SCN2B: variants seen among roughly 807,000 people sequenced by gnomAD.
SCN2B encodes sodium voltage-gated channel beta subunit 2.
A neutral mutation model predicts 18.2 loss-of-function variants in SCN2B; 14 were observed. The ratio of observed to expected loss-of-function variants is 0.77; its 90% CI spans 0.51 to 1.21. The LOEUF (loss-of-function observed/expected upper bound fraction) is 1.21. Among genes scored for constraint, SCN2B ranks in the 50% most tolerant of loss-of-function variants. SCN2B has a pLI of 0.00. For synonymous variants in SCN2B, 115 were observed against 115.3 expected, an observed-to-expected ratio of 1.00 and a Z score of 0.02; for missense variants, 262 against 286.9, an observed-to-expected ratio of 0.91 and a Z score of 0.63.
At chr11:118,174,695 A>G (rs1948455985) in intron 1 of SCN2B, among the ~76,000 whole-genome samples, 2 of 152,100 alleles carry the variant, frequency 1.3e-5, no homozygotes, top group South Asian at 4.1e-4. Context: ...CCAAACACTC[A>G]GACCTCTTCA....
Position 118,166,671 on chromosome 11 carries a change from C to T in SCN2B, c.*216G>A. The T allele has an allele frequency of 1.6e-6, 1 of 612,720 alleles. No homozygotes were observed. The highest frequency in any genetic ancestry group is 2.8e-5 in the East Asian group (1 of 35,646). The allele number at this position is 612,720 out of a possible 1,614,324, so 38.0% of individuals were successfully genotyped here. ...GCCCTTTCTCTCCTCTCCCCAGGGCCCACACGTCCCAGAGCATGGCAGGTT... is the reference window on the plus strand; with the variant it reads ...GCCCTTTCTCTCCTCTCCCCAGGGCTCACACGTCCCAGAGCATGGCAGGTT... On this transcript the variant is annotated 3_prime_UTR_variant, in exon 4 of 4. Transcript: ENST00000278947.
chr11:118,166,828 C>G lies in SCN2B; in HGVS notation c.*59G>C, dbSNP rs1377180592. The G allele has an allele frequency of 5.6e-6, 9 of 1,603,062 alleles. No individual in the cohort carries two copies. In the Admixed American group the frequency reaches 1.5e-4, roughly 27 times the overall value. On this transcript the variant is annotated 3_prime_UTR_variant, in exon 4 of 4. Coordinates refer to ENST00000278947, the MANE Select transcript of SCN2B (RefSeq NM_004588.5). ...CACCAAGAGCGAGCAGGCAGGGTCA[C>G]TGTACAGGGCGGAGAGGGGAGGAGA...
At position 118,166,740 on chromosome 11, in the gene SCN2B, G is replaced by T; in HGVS notation, c.*147C>A. 1.2e-6 allele frequency: 1 copy of T among 834,396 alleles called. No homozygotes were observed. The highest frequency in any genetic ancestry group is 2.0e-6 in the Non-Finnish European group (1 of 506,268). 51.7% of individuals were successfully genotyped at this position (834,396 alleles called of 1,614,324 possible). On this transcript the variant is annotated 3_prime_UTR_variant, in exon 4 of 4. Coordinates refer to ENST00000278947, the MANE Select transcript of SCN2B (RefSeq NM_004588.5). ...GGGTCACTCTTGGTGCAGGGTGGGA[G>T]ATACGAAGTCGGGGGTTCAGGAGGC...
At position 118,162,892 on chromosome 11, in the gene SCN2B, A is replaced by G. The variant is rs1948343403; in HGVS notation, c.*3995T>C. 1 of 152,454 alleles carries G rather than the reference A, an allele frequency of 6.6e-6. No homozygotes were observed. Among genetic ancestry groups the G allele is most frequent in the Non-Finnish European group, 1.5e-5 (1 of 68,042 alleles). 9.4% of individuals were successfully genotyped at this position (152,454 alleles called of 1,614,324 possible). ...AAACTCAGTCTGCTCCCAAAAGCAG[A>G]TACATCCCAGCAGTCGAGTCACAGA... On this transcript the variant is annotated 3_prime_UTR_variant, in exon 4 of 4. Coordinates refer to ENST00000278947, the MANE Select transcript of SCN2B (RefSeq NM_004588.5).
At position 118,166,818 on chromosome 11, in the gene SCN2B, G is replaced by C. The variant is rs545559368; in HGVS notation, c.*69C>G. On this transcript the variant is annotated 3_prime_UTR_variant, in exon 4 of 4. Transcript: ENST00000278947. Reference sequence around the variant, plus strand: ...ACGGGAAGCACACCAAGAGCGAGCAGGCAGGGTCACTGTACAGGGCGGAGA... The same window carrying C: ...ACGGGAAGCACACCAAGAGCGAGCACGCAGGGTCACTGTACAGGGCGGAGA... 2 of 1,591,470 alleles carry C rather than the reference G, an allele frequency of 1.3e-6. No individual in the cohort carries two copies. Among genetic ancestry groups the C allele is most frequent in the Middle Eastern group, 1.7e-4 (1 of 6,034 alleles).
At position 118,163,300 on chromosome 11, in the gene SCN2B, A is replaced by C. The variant is rs1948347996; in HGVS notation, c.*3587T>G. The C allele has an allele frequency of 6.6e-6, 1 of 152,292 alleles. No homozygotes were observed. The highest frequency in any genetic ancestry group is 1.5e-5 in the Non-Finnish European group (1 of 68,018). The allele number at this position is 152,292 out of a possible 1,614,324, so 9.4% of individuals were successfully genotyped here. On this transcript the variant is annotated 3_prime_UTR_variant, in exon 4 of 4. Transcript: ENST00000278947. ...AGGAAGGAAGATTTCTTGCTTCATCACCCGTTAACTGCACCAAGCCATTCC... is the reference window on the plus strand; with the variant it reads ...AGGAAGGAAGATTTCTTGCTTCATCCCCCGTTAACTGCACCAAGCCATTCC...
rs1948352047 is a variant in SCN2B, at chr11:118,163,670, G to A, written c.*3217C>T. The stretch of plus-strand genomic sequence containing the variant: ...AAGAGACAGATGGGGGGTGGGGGCA[G>A]AGGGAGGTTCTGAGAGAGCAGGAGA... On this transcript the variant is annotated 3_prime_UTR_variant, in exon 4 of 4. Coordinates refer to ENST00000278947, the MANE Select transcript of SCN2B (RefSeq NM_004588.5). 6.5e-6 allele frequency: 1 copy of A among 152,706 alleles called. No individual in the cohort carries two copies. The highest frequency in any genetic ancestry group is 1.5e-5 in the Non-Finnish European group (1 of 68,078). 9.5% of individuals were successfully genotyped at this position (152,706 alleles called of 1,614,324 possible).
At chr11:118,172,827 G>C (rs1012409734) in intron 1 of SCN2B, among the ~76,000 whole-genome samples, 1 of 151,814 alleles carries the variant, frequency 6.6e-6, no homozygotes, top group African/African-American at 2.4e-5. Context: ...GCAGAGACTG[G>C]AAGTTAATCT....
chr11:118,169,745 A>G (rs927602886), intron 1 of SCN2B, among the ~76,000 whole-genome samples: 4 of 152,150 alleles, frequency 2.6e-5, no homozygotes, highest in African/African-American at 4.8e-5. Context: ...CTGGTTCTGC[A>G]GAGTCCTATT....
chr11:118,176,387 C>A lies in SCN2B; in HGVS notation c.45G>T (p.Thr15=). 1 of 1,614,044 alleles carries A rather than the reference C, an allele frequency of 6.2e-7. No homozygotes were observed. Among genetic ancestry groups the A allele is most frequent in the Non-Finnish European group, 8.5e-7 (1 of 1,179,968 alleles). The change falls in exon 1 of 4, where the codon ACG becomes ACT. Residue 15 remains threonine (T), a synonymous_variant. Transcript: ENST00000278947. ...CCAAAGAGAAAAAGAGACTGAGCCC[C>A]GTGAGGCTGAAGGCAGGGCGAGGTA... ...AWLPRPAFSL[T]GLSLFFSLVP...
Position 118,163,393 on chromosome 11 carries a change from T to C in SCN2B, c.*3494A>G, listed in dbSNP as rs1029859135. The C allele has an allele frequency of 1.3e-5, 2 of 152,514 alleles. No individual in the cohort carries two copies. The highest frequency in any genetic ancestry group is 2.9e-5 in the Non-Finnish European group (2 of 68,040). 9.4% of individuals were successfully genotyped at this position (152,514 alleles called of 1,614,324 possible). On this transcript the variant is annotated 3_prime_UTR_variant, in exon 4 of 4. Coordinates refer to ENST00000278947, the MANE Select transcript of SCN2B (RefSeq NM_004588.5). The stretch of plus-strand genomic sequence containing the variant: ...ATTGTCTGTCTGCTTAACCTGACCT[T>C]GCAAATATTTACCAGCCCAACCTCC...
At position 118,165,318 on chromosome 11, in the gene SCN2B, G is replaced by C. The variant is rs2135516506; in HGVS notation, c.*1569C>G. On this transcript the variant is annotated 3_prime_UTR_variant, in exon 4 of 4. Transcript: ENST00000278947. The stretch of plus-strand genomic sequence containing the variant: ...ACCTCAGTTTCCCCATTTTAAGTGA[G>C]TGACTTGGCTAGTTGATCTCTGAGG... 1 of 152,790 alleles carries C rather than the reference G, an allele frequency of 6.5e-6. No homozygotes were observed. The highest frequency in any genetic ancestry group is 2.1e-4 in the South Asian group (1 of 4,830). The allele number at this position is 152,790 out of a possible 1,614,324, so 9.5% of individuals were successfully genotyped here.
At chr11:118,170,001 C>G (rs1316659217) in intron 1 of SCN2B, among the ~76,000 whole-genome samples, 3 of 152,246 alleles carry the variant, frequency 2.0e-5, no homozygotes, top group South Asian at 2.1e-4. Context: ...CCTCAAGAAC[C>G]TTATCTCAGA....
intron 3 of SCN2B, among the ~76,000 whole-genome samples, chr11:118,167,709 A>C (rs1477452762): frequency 6.6e-6 from 1 of 152,148 alleles, no homozygotes; most frequent in African/African-American, 2.4e-5. Flanking sequence ...GGTGCAAGCC[A>C]CCATGCCCAG....
intron 1 of SCN2B, among the ~76,000 whole-genome samples, chr11:118,172,349 A>C (rs1035641966): frequency 1.3e-5 from 2 of 152,268 alleles, no homozygotes; most frequent in African/African-American, 4.8e-5. Flanking sequence ...AAAGAAGTTA[A>C]GAGACGAGCC....
At position 118,168,423 on chromosome 11, in the gene SCN2B, TG is replaced by T; in HGVS notation, c.238-129del. 7.9e-7 allele frequency: 1 copy of T among 1,258,112 alleles called. No individual in the cohort carries two copies. The highest frequency in any genetic ancestry group is 1.2e-6 in the Non-Finnish European group (1 of 859,458). 77.9% of individuals were successfully genotyped at this position (1,258,112 alleles called of 1,614,324 possible). A position where few individuals can be genotyped will look rare whatever the true frequency, so the allele number is the denominator to read the frequency against. On this transcript the variant is annotated intron_variant, in intron 2 of 3. Coordinates refer to ENST00000278947, the MANE Select transcript of SCN2B (RefSeq NM_004588.5). The surrounding 1 kb of genome is among the most constrained non-coding windows in gnomAD (Gnocchi z 4.7). ...GAGGCAGTTACCTCTGTGAGGCACC[TG>T]GATGCGCAGCACACCTTGTTTCAAG... is the stretch of plus-strand genomic sequence containing the variant.
chr11:118,170,655 A>G (rs1319407200), intron 1 of SCN2B, among the ~76,000 whole-genome samples: 1 of 152,156 alleles, frequency 6.6e-6, no homozygotes, highest in Admixed American at 6.5e-5. Flanking sequence ...CAAGGGGATG[A>G]GACTAGACTT....
chr11:118,167,206 T>A (rs1948392144), intron 3 of SCN2B, 120 bp from the exon 4 acceptor site: 2 of 1,087,906 alleles, frequency 1.8e-6, no homozygotes, highest in East Asian at 5.2e-5. Context: ...GACAGGACTT[T>A]AGCAAAGCCG....
Position 118,168,293 on chromosome 11 carries a change from G to C in SCN2B, c.240C>G (p.Phe80Leu), listed in dbSNP as rs375004959. ...QECNNCSEEM[F>L]LQFRMKIINL... Reference sequence around the variant, plus strand: ...TAATGATCTTCATGCGGAACTGGAGGAACTGGGGTTGGAGCAAGGGACAGG... The same window carrying C: ...TAATGATCTTCATGCGGAACTGGAGCAACTGGGGTTGGAGCAAGGGACAGG... Residue 80 changes from phenylalanine (F) to leucine (L), a missense_variant and splice_region_variant, in exon 3 of 4, where the codon TTC (phenylalanine) becomes TTG (leucine). By Grantham distance (22) the Phe-to-Leu change is conservative. Transcript: ENST00000278947. The surrounding 1 kb of genome is among the most constrained non-coding windows in gnomAD (Gnocchi z 4.7). 4.3e-6 allele frequency: 7 copies of C among 1,613,910 alleles called. No homozygotes were observed. The highest frequency in any genetic ancestry group is 1.3e-5 in the African/African-American group (1 of 74,942).
Sources: allele counts gnomAD v4.1 joint callset (sites outside exome capture counted in the v4.1 genomes callset), GRCh38; gene constraint gnomAD v4.1.1; non-coding constraint Gnocchi (gnomAD v3.1); transcripts MANE v1.5; gene names NCBI Gene and HGNC (gene_info 2026-07-23, HGNC 2026-07-21).